Variants in SLC35F3 observed in about 807,000 individuals in gnomAD.
SLC35F3 encodes putative thiamine transporter SLC35F3.
SLC35F3 carries 25 observed loss-of-function variants against 49.9 expected under a neutral mutation model. That is an observed-to-expected ratio of 0.50 (90% confidence interval 0.37 to 0.70). The LOEUF (loss-of-function observed/expected upper bound fraction) is 0.70. SLC35F3 is among the 30% of genes least tolerant of loss of function. The pLI is 0.00. For missense variants in SLC35F3, 525 were observed against 639.8 expected, an observed-to-expected ratio of 0.82 and a Z score of 1.94; for synonymous variants, 275 against 265.4, an observed-to-expected ratio of 1.04 and a Z score of -0.35.
In SLC35F3 at chr1:233,939,008, C is replaced by T. The variant is rs138008725; in HGVS notation, c.283+33250C>T. ...CCATTATCCATCATAGGGTTTGGAA[C>T]TGCCAGCATATCCATTCTTCCCAAT... On this transcript the variant is annotated intron_variant, in intron 2 of 7. Coordinates refer to ENST00000366618, the MANE Select transcript of SLC35F3 (RefSeq NM_173508.4). Among the ~76,000 whole-genome samples the T allele has an allele frequency of 1.7e-3, 258 of 152,296 alleles. 1 individual carries two copies. The highest frequency in any genetic ancestry group is 6.0e-3 in the African/African-American group (251 of 41,560).
Position 233,924,400 on chromosome 1 carries a change from A to C in SLC35F3, c.283+18642A>C, listed in dbSNP as rs200151549. Among the ~76,000 whole-genome samples the C allele has an allele frequency of 2.2e-4, 34 of 152,152 alleles. No homozygotes were observed. In the East Asian group the frequency reaches 6.0e-3, roughly 27 times the overall value. The stretch of plus-strand genomic sequence containing the variant: ...CGGTGTATGTGTCCAGGAATTTATC[A>C]ATTTCTTCTAGATTTTCTAGTTTAT... On this transcript the variant is annotated intron_variant, in intron 2 of 7. Transcript: ENST00000366618.
At chr1:234,110,019 A>G (rs1266039397) in intron 2 of SLC35F3, among the ~76,000 whole-genome samples, 1 of 152,126 alleles carries the variant, frequency 6.6e-6, no homozygotes, top group Non-Finnish European at 1.5e-5. Flanking sequence ...CGGAAAGTGA[A>G]GGATAGTATG....
chr1:233,970,946 C>T (rs186748184), intron 2 of SLC35F3, among the ~76,000 whole-genome samples: 147 of 152,318 alleles, frequency 9.7e-4, no homozygotes, highest in African/African-American at 3.5e-3. Context: ...TTGCAGGATA[C>T]TCTTTAGCTG....
At chr1:234,081,011 A>G (rs1375912159) in intron 2 of SLC35F3, among the ~76,000 whole-genome samples, 4 of 152,166 alleles carry the variant, frequency 2.6e-5, no homozygotes, top group African/African-American at 9.7e-5. Flanking sequence ...CAATTATTCA[A>G]CCATACAGCC....
intron 2 of SLC35F3, among the ~76,000 whole-genome samples, chr1:234,107,571 CAT>C (rs1354296130): frequency 1.3e-5 from 2 of 152,090 alleles, no homozygotes; most frequent in Non-Finnish European, 2.9e-5. Context: ...AGTTCACTAT[CAT>C]GTGTATGACT....
intron 3 of SLC35F3, among the ~76,000 whole-genome samples, chr1:234,305,503 C>T (rs966060302): frequency 1.3e-5 from 2 of 151,732 alleles, no homozygotes; most frequent in Non-Finnish European, 1.5e-5. Context: ...CTCCCTCAGT[C>T]TCCCAAGTAG....
At chr1:234,108,281 TTATTTATATATAAAGATATA>T (rs1665318959) in intron 2 of SLC35F3, among the ~76,000 whole-genome samples, 2 of 47,268 alleles carry the variant, frequency 4.2e-5, no homozygotes, top group Admixed American at 2.7e-4. Context: ...AAGATATATA[TTATTTATATATAAAGATATA>T]TATTTATATA....
chr1:233,911,632 G>T (rs1381144536), intron 2 of SLC35F3, among the ~76,000 whole-genome samples: 2 of 152,132 alleles, frequency 1.3e-5, no homozygotes, highest in African/African-American at 4.8e-5. Context: ...TCTGCCATGG[G>T]GTTAGAAATC....
intron 2 of SLC35F3, among the ~76,000 whole-genome samples, chr1:234,072,006 G>T (rs189568144): frequency 1.7e-4 from 26 of 152,346 alleles, no homozygotes; most frequent in African/African-American, 5.3e-4. Context: ...GGGAATGAGA[G>T]AACTTATGAC....
intron 2 of SLC35F3, among the ~76,000 whole-genome samples, chr1:234,019,651 T>C (rs1663862087): frequency 6.6e-6 from 1 of 151,962 alleles, no homozygotes; most frequent in Admixed American, 6.5e-5. Flanking sequence ...TTTAGTCACA[T>C]CCAAAAAAAT....
chr1:234,032,152 G>A (rs1057085482), intron 2 of SLC35F3, among the ~76,000 whole-genome samples: 8 of 152,088 alleles, frequency 5.3e-5, no homozygotes, highest in African/African-American at 1.7e-4. Flanking sequence ...AAAAATAAGA[G>A]TTGAGCTATC....
At position 234,048,857 on chromosome 1, in the gene SLC35F3, C is replaced by A. The variant is rs537077434; in HGVS notation, c.283+143099C>A. On this transcript the variant is annotated intron_variant, in intron 2 of 7. Coordinates refer to ENST00000366618, the MANE Select transcript of SLC35F3 (RefSeq NM_173508.4). ...TTTAGTGTAACTTGCCTTGATAGGTCTTCACCTTCCTTGGGACCAATCATC... is the reference window on the plus strand; with the variant it reads ...TTTAGTGTAACTTGCCTTGATAGGTATTCACCTTCCTTGGGACCAATCATC... Among the ~76,000 whole-genome samples, 7 of 152,346 alleles carry A rather than the reference C, an allele frequency of 4.6e-5. No individual in the cohort carries two copies. The South Asian group carries it at 1.0e-3, about 23-fold the overall frequency.
intron 2 of SLC35F3, among the ~76,000 whole-genome samples, chr1:233,907,528 A>G (rs1301832174): frequency 6.6e-6 from 1 of 152,210 alleles, no homozygotes; most frequent in African/African-American, 2.4e-5. Flanking sequence ...TGAAATATGA[A>G]TAAAATCAGC....
At chr1:234,273,637 C>G in intron 3 of SLC35F3, among the ~76,000 whole-genome samples, 1 of 152,168 alleles carries the variant, frequency 6.6e-6, no homozygotes, top group Non-Finnish European at 1.5e-5. Context: ...GGCTGGATGG[C>G]CTCAGAAGGA....
At chr1:233,974,784 G>A (rs1663052714) in intron 2 of SLC35F3, among the ~76,000 whole-genome samples, 1 of 152,102 alleles carries the variant, frequency 6.6e-6, no homozygotes, top group Non-Finnish European at 1.5e-5. Flanking sequence ...TTCATTTTTT[G>A]TCCCAGAGAA....
At chr1:234,252,662 CAT>C (rs906612344) in intron 3 of SLC35F3, among the ~76,000 whole-genome samples, 34 of 152,250 alleles carry the variant, frequency 2.2e-4, no homozygotes, top group African/African-American at 7.9e-4. Context: ...TGAATTAAAA[CAT>C]ATTTTTATCT....
At chr1:233,991,563 T>G (rs1170426897) in intron 2 of SLC35F3, among the ~76,000 whole-genome samples, 1 of 152,214 alleles carries the variant, frequency 6.6e-6, no homozygotes, top group African/African-American at 2.4e-5. Context: ...TACTCTCTCC[T>G]GTCCAAAAGC....
chr1:234,124,076 A>G (rs561871822), intron 2 of SLC35F3, among the ~76,000 whole-genome samples: 50 of 152,334 alleles, frequency 3.3e-4, no homozygotes, highest in African/African-American at 1.2e-3. Context: ...AAGATATGAT[A>G]TCGTAGAGGA....
At chr1:234,310,060 C>T (rs1657308602) in intron 4 of SLC35F3, among the ~76,000 whole-genome samples, 1 of 152,148 alleles carries the variant, frequency 6.6e-6, no homozygotes. Flanking sequence ...GAGATTCCCC[C>T]GAATAAAAGA....
Sources: allele counts gnomAD v4.1 joint callset (sites outside exome capture counted in the v4.1 genomes callset), GRCh38; gene constraint gnomAD v4.1.1; transcripts MANE v1.5; gene names NCBI Gene and HGNC (gene_info 2026-07-23, HGNC 2026-07-21).